CEP85L: variants seen among roughly 807,000 people sequenced by gnomAD.
The protein encoded by CEP85L is centrosomal protein 85L.
Under a neutral mutation model 100.3 loss-of-function variants are expected in CEP85L, and 60 were observed. That is an observed-to-expected ratio of 0.60 (90% confidence interval 0.49 to 0.74). The LOEUF (loss-of-function observed/expected upper bound fraction) is 0.74, where lower values mean the gene tolerates loss of function less well. Among genes scored for constraint, CEP85L ranks in the 30% least tolerant of loss-of-function variants. CEP85L has a pLI of 0.00. For missense variants in CEP85L, 973 were observed against 936.2 expected (o/e 1.04, Z -0.51); for synonymous variants, 319 against 322.7 (o/e 0.99, Z 0.12).
chr6:118,509,180 C>T (rs991996692), intron 5 of CEP85L, among the ~76,000 whole-genome samples: 1 of 152,076 alleles, frequency 6.6e-6, no homozygotes, highest in African/African-American at 2.4e-5. Flanking sequence ...TGCACGCTGG[C>T]TTGGAGAGCC....
intron 10 of CEP85L, among the ~76,000 whole-genome samples, chr6:118,474,275 G>T (rs1367939822): frequency 6.6e-6 from 1 of 152,182 alleles, no homozygotes; most frequent in Non-Finnish European, 1.5e-5. Flanking sequence ...GTAGAAAAAT[G>T]AAACAAAACT....
At chr6:118,704,802 G>T (rs1777542425) in intron 1 of CEP85L, among the ~76,000 whole-genome samples, 1 of 152,108 alleles carries the variant, frequency 6.6e-6, no homozygotes, top group Non-Finnish European at 1.5e-5. Context: ...AAGAGTTCAT[G>T]GCGCTGGGGC....
At chr6:118,691,695 C>T (rs568903377) in intron 1 of CEP85L, among the ~76,000 whole-genome samples, 56 of 150,898 alleles carry the variant, frequency 3.7e-4, no homozygotes, top group African/African-American at 1.3e-3. Context: ...GACAAGATCG[C>T]ACCACTGCAC....
chr6:118,511,416 C>CGATCGATTACAATTTCT lies in CEP85L; in HGVS notation c.1140-2_1140-1insAGAAATTGTAATCGATC. 1 of 1,587,490 alleles carries CGATCGATTACAATTTCT rather than the reference C, an allele frequency of 6.3e-7. No individual in the cohort carries two copies. Among genetic ancestry groups the CGATCGATTACAATTTCT allele is most frequent in the Non-Finnish European group, 8.6e-7 (1 of 1,156,746 alleles). On this transcript the variant is annotated splice_acceptor_variant, in intron 4 of 12. Coordinates refer to ENST00000368491, the MANE Select transcript of CEP85L (RefSeq NM_001042475.3). LOFTEE classifies it high-confidence loss of function. Reference sequence around the variant, plus strand: ...CAGGTGGGTAATTTGTTGCTTCTGCCTGCAAAACATAAATTAAGGTCACAT... The same window carrying CGATCGATTACAATTTCT: ...CAGGTGGGTAATTTGTTGCTTCTGCCGATCGATTACAATTTCTTGCAAAACATAAATTAAGGTCACAT...
intron 1 of CEP85L, among the ~76,000 whole-genome samples, chr6:118,706,548 C>T (rs145607292): frequency 2.0e-5 from 3 of 152,302 alleles, no homozygotes; most frequent in African/African-American, 7.2e-5. Flanking sequence ...CTTAGGGTAA[C>T]CTCAACTGAT....
intron 1 of CEP85L, among the ~76,000 whole-genome samples, chr6:118,706,085 T>C (rs1777585604): frequency 6.6e-6 from 1 of 152,208 alleles, no homozygotes. Context: ...GCTCCTCTGG[T>C]AGTGCTCTGT....
intron 1 of CEP85L, among the ~76,000 whole-genome samples, chr6:118,649,901 T>C (rs1419369634): frequency 6.6e-6 from 1 of 152,208 alleles, no homozygotes; most frequent in Non-Finnish European, 1.5e-5. Flanking sequence ...CTTTTTAAAA[T>C]GTACATATGT....
chr6:118,532,179 T>C (rs938625468), intron 3 of CEP85L, among the ~76,000 whole-genome samples: 4 of 152,092 alleles, frequency 2.6e-5, no homozygotes, highest in African/African-American at 7.2e-5. Context: ...TAATACTACA[T>C]AGCCATAAAA....
chr6:118,576,458 AAACT>A (rs1170186746), intron 2 of CEP85L, among the ~76,000 whole-genome samples: 2 of 152,252 alleles, frequency 1.3e-5, no homozygotes, highest in African/African-American at 4.8e-5. Flanking sequence ...AACAGCCTCA[AAACT>A]AACATTCAAA....
chr6:118,481,780 T>A lies in CEP85L; in HGVS notation c.1744A>T (p.Ser582Cys). ...GAAGGATTCAGAAAATTTTCTTACC[T>A]CTGAACGGTAGTTACTAACTCCTTT... is the stretch of plus-strand genomic sequence containing the variant. ...KEKELVTTVQSLQQKVERCLE... is the reference protein window; with the variant it reads ...KEKELVTTVQCLQQKVERCLE... The change falls in exon 8 of 13, where the codon AGT becomes TGT. Residue 582 changes from serine (S) to cysteine (C), a missense_variant and splice_region_variant. This residue lies in a region of CEP85L where 890 missense variants were observed against 844.5 expected (regional missense o/e 1.05). Transcript: ENST00000368491. The A allele has an allele frequency of 6.4e-7, 1 of 1,562,490 alleles. No homozygotes were observed. Among genetic ancestry groups the A allele is most frequent in the Non-Finnish European group, 8.7e-7 (1 of 1,154,928 alleles).
chr6:118,580,005 G>A (rs990839708), intron 2 of CEP85L, among the ~76,000 whole-genome samples: 1 of 152,160 alleles, frequency 6.6e-6, no homozygotes, highest in African/African-American at 2.4e-5. Flanking sequence ...ATATTAAAAG[G>A]CTAGGGTGGG....
intron 2 of CEP85L, among the ~76,000 whole-genome samples, chr6:118,598,007 G>T (rs1487546890): frequency 6.6e-6 from 1 of 152,172 alleles, no homozygotes; most frequent in Non-Finnish European, 1.5e-5. Context: ...AAATAAAAGA[G>T]TTTGTCTGTG....
chr6:118,522,140 C>T (rs926409880), intron 4 of CEP85L, among the ~76,000 whole-genome samples: 2 of 152,090 alleles, frequency 1.3e-5, no homozygotes, highest in Admixed American at 6.5e-5. Flanking sequence ...ACTGGTGGAT[C>T]ACCTGAGGTC....
chr6:118,595,982 A>C (rs1781440879), intron 2 of CEP85L, among the ~76,000 whole-genome samples: 1 of 152,180 alleles, frequency 6.6e-6, no homozygotes, highest in Non-Finnish European at 1.5e-5. Context: ...TAATACACAA[A>C]TTTCATGTAC....
intron 6 of CEP85L, among the ~76,000 whole-genome samples, chr6:118,486,808 C>T (rs984495931): frequency 3.3e-5 from 5 of 152,096 alleles, no homozygotes; most frequent in African/African-American, 4.8e-5. Context: ...CAACCCTTCC[C>T]GAACTTGCTC....
At position 118,461,821 on chromosome 6, in the gene CEP85L, T is replaced by C. The variant is rs1772249058; in HGVS notation, c.*3584A>G. ...GATATAGTCTGAGTGAGCATGGTTA[T>C]GAAAATTGCTTATTACCATAATTAC... is the stretch of plus-strand genomic sequence containing the variant. On this transcript the variant is annotated 3_prime_UTR_variant, in exon 13 of 13. Transcript: ENST00000368491. 1 of 152,056 alleles carries C rather than the reference T, an allele frequency of 6.6e-6. No homozygotes were observed. The highest frequency in any genetic ancestry group is 6.5e-5 in the Admixed American group (1 of 15,276). 9.4% of individuals were successfully genotyped at this position (152,056 alleles called of 1,614,324 possible). A position where few individuals can be genotyped will look rare whatever the true frequency, so the allele number is the denominator to read the frequency against.
chr6:118,573,440 A>G (rs1334183960), intron 2 of CEP85L, among the ~76,000 whole-genome samples: 2 of 152,252 alleles, frequency 1.3e-5, no homozygotes, highest in Non-Finnish European at 2.9e-5. Flanking sequence ...TTTCAGAATA[A>G]TGAATAATGA....
intron 1 of CEP85L, among the ~76,000 whole-genome samples, chr6:118,709,816 A>C (rs533572462): frequency 2.0e-5 from 3 of 152,250 alleles, no homozygotes; most frequent in African/African-American, 7.2e-5. Flanking sequence ...TCCAGCAAGG[A>C]CACCATCATA....
At chr6:118,628,242 G>A (rs1325722448) in intron 2 of CEP85L, among the ~76,000 whole-genome samples, 1 of 152,128 alleles carries the variant, frequency 6.6e-6, no homozygotes, top group East Asian at 1.9e-4. Flanking sequence ...CAGGGATATT[G>A]GAATTACTAG....
Sources: allele counts gnomAD v4.1 joint callset (sites outside exome capture counted in the v4.1 genomes callset), GRCh38; gene constraint gnomAD v4.1.1; regional missense constraint gnomAD v4.1.1; transcripts MANE v1.5; gene names NCBI Gene and HGNC (gene_info 2026-07-23, HGNC 2026-07-21).